The following SRPK2 variants were observed in gnomAD, a reference collection of about 807,000 sequenced individuals.
SRPK2 encodes SFRS protein kinase 2.
SRPK2 carries 21 observed loss-of-function variants against 90.8 expected under a neutral mutation model. The observed-to-expected ratio is 0.23, with a 90% CI of 0.16 to 0.33. The LOEUF (loss-of-function observed/expected upper bound fraction) is 0.33, where lower values mean the gene tolerates loss of function less well. Ranked by LOEUF, SRPK2 falls within the 10% of genes least tolerant of loss-of-function variation. SRPK2 has a pLI of 1.00. For missense variants in SRPK2, 620 were observed against 869.0 expected, an observed-to-expected ratio of 0.71 and a Z score of 3.60; for synonymous variants, 288 against 311.1, an observed-to-expected ratio of 0.93 and a Z score of 0.78.
At chr7:105,269,249 G>A (rs1042688048) in intron 2 of SRPK2, among the ~76,000 whole-genome samples, 2 of 151,782 alleles carry the variant, frequency 1.3e-5, no homozygotes, top group Non-Finnish European at 2.9e-5. Context: ...GGGTAATCAC[G>A]TCACAGGCTG....
chr7:105,126,906 A>G (rs1258491644), intron 14 of SRPK2, 87 bp downstream of exon 14: 45 of 1,326,620 alleles, frequency 3.4e-5, no homozygotes, highest in Non-Finnish European at 4.6e-5. Context: ...ACATGGCTCT[A>G]TTTCAGTACA....
intron 2 of SRPK2, among the ~76,000 whole-genome samples, chr7:105,326,688 C>T (rs545590916): frequency 1.4e-4 from 21 of 152,166 alleles, no homozygotes; most frequent in Non-Finnish European, 2.8e-4. Context: ...ATTTTCAACC[C>T]GGCCTACAAA....
At chr7:105,385,631 G>A (rs954621257) in intron 2 of SRPK2, among the ~76,000 whole-genome samples, 3 of 152,074 alleles carry the variant, frequency 2.0e-5, no homozygotes, top group Non-Finnish European at 4.4e-5. Flanking sequence ...AATACTTCCA[G>A]CCCATTCCTC....
intron 1 of SRPK2, among the ~76,000 whole-genome samples, chr7:105,395,958 CG>C (rs1263771060): frequency 6.6e-6 from 1 of 151,924 alleles, no homozygotes; most frequent in African/African-American, 2.4e-5. Context: ...TCTTGTTGCT[CG>C]GGCTGGAGTG....
intron 3 of SRPK2, among the ~76,000 whole-genome samples, chr7:105,184,716 T>C (rs1793350064): frequency 6.6e-6 from 1 of 152,212 alleles, no homozygotes; most frequent in African/African-American, 2.4e-5. Context: ...AATATTTGAC[T>C]GACATTTTCT....
chr7:105,337,921 G>A (rs1815296331), intron 2 of SRPK2, among the ~76,000 whole-genome samples: 2 of 151,976 alleles, frequency 1.3e-5, no homozygotes, highest in African/African-American at 2.4e-5. Flanking sequence ...TATGCCAACT[G>A]CTTTTAAATA....
At chr7:105,374,859 G>A (rs570405453) in intron 2 of SRPK2, among the ~76,000 whole-genome samples, 6 of 152,130 alleles carry the variant, frequency 3.9e-5, no homozygotes, top group Non-Finnish European at 7.4e-5. Flanking sequence ...CACCCGCCTC[G>A]GCCTCCCAAA....
At chr7:105,191,883 T>C (rs1286142759) in intron 3 of SRPK2, among the ~76,000 whole-genome samples, 2 of 134,620 alleles carry the variant, frequency 1.5e-5, no homozygotes, top group Admixed American at 7.2e-5. Context: ...CAAAAAAAAC[T>C]TTTTTTTTTT....
chr7:105,336,649 G>GA (rs1180767947), intron 2 of SRPK2, among the ~76,000 whole-genome samples: 2 of 152,100 alleles, frequency 1.3e-5, no homozygotes, highest in Non-Finnish European at 2.9e-5. Context: ...ACACATTGAG[G>GA]AAAGAGTCTG....
intron 2 of SRPK2, among the ~76,000 whole-genome samples, chr7:105,341,345 G>A (rs112080813): frequency 2.0e-4 from 24 of 121,224 alleles, no homozygotes; most frequent in Non-Finnish European, 3.3e-4. Flanking sequence ...GCGAAAGGGC[G>A]AGACTCCGTC....
At chr7:105,232,192 C>A (rs571155717) in intron 2 of SRPK2, among the ~76,000 whole-genome samples, 1 of 152,128 alleles carries the variant, frequency 6.6e-6, no homozygotes, top group South Asian at 2.1e-4. Context: ...GCAGGCCGGG[C>A]GCGGTGGCTC....
intron 2 of SRPK2, among the ~76,000 whole-genome samples, chr7:105,224,348 A>G (rs1199049339): frequency 1.3e-5 from 2 of 152,092 alleles, no homozygotes; most frequent in African/African-American, 4.8e-5. Flanking sequence ...AGTGGCTCAC[A>G]CCTGTCATCC....
intron 2 of SRPK2, among the ~76,000 whole-genome samples, chr7:105,221,664 T>A (rs1347915399): frequency 6.6e-6 from 1 of 152,186 alleles, no homozygotes; most frequent in East Asian, 1.9e-4. Flanking sequence ...TATAACCCCC[T>A]GTCCACAACA....
At position 105,118,107 on chromosome 7, in the gene SRPK2, A is replaced by G. The variant is rs968356266; in HGVS notation, c.1916-85T>C. On this transcript the variant is annotated intron_variant, in intron 15 of 15. Transcript: ENST00000393651. ...GGTCCAGTCAGGTTCTTTTCAGTGA[A>G]GCGGACAACCACCTGCTCAACACTT... 32 of 1,422,804 alleles carry G rather than the reference A, an allele frequency of 2.2e-5. No individual in the cohort carries two copies. The East Asian group carries it at 7.2e-4, about 32-fold the overall frequency. The allele number at this position is 1,422,804 out of a possible 1,614,324, so 88.1% of individuals were successfully genotyped here. A position where few individuals can be genotyped will look rare whatever the true frequency, so the allele number is the denominator to read the frequency against.
chr7:105,392,587 C>T (rs1822209000), upstream of SRPK2, among the ~76,000 whole-genome samples: 1 of 151,992 alleles, frequency 6.6e-6, no homozygotes, highest in East Asian at 1.9e-4. Context: ...GATCTCAGCT[C>T]ACTGTAACCT....
At chr7:105,147,352 C>T (rs1486987534) in intron 7 of SRPK2, among the ~76,000 whole-genome samples, 1 of 152,130 alleles carries the variant, frequency 6.6e-6, no homozygotes, top group Non-Finnish European at 1.5e-5. Flanking sequence ...GAGTCTCGCT[C>T]TGTCACCCAG....
intron 2 of SRPK2, among the ~76,000 whole-genome samples, chr7:105,293,587 T>C (rs1236603753): frequency 6.6e-6 from 1 of 151,068 alleles, no homozygotes; most frequent in Non-Finnish European, 1.5e-5. Context: ...ACTCGGCTGA[T>C]TGTTGTATTT....
At chr7:105,254,285 T>C (rs908360108) in intron 2 of SRPK2, among the ~76,000 whole-genome samples, 4 of 152,238 alleles carry the variant, frequency 2.6e-5, no homozygotes, top group African/African-American at 9.6e-5. Flanking sequence ...TATTCTTCAA[T>C]GTCATCTATA....
intron 3 of SRPK2, among the ~76,000 whole-genome samples, chr7:105,187,532 G>A (rs1390285332): frequency 6.6e-6 from 1 of 152,158 alleles, no homozygotes; most frequent in African/African-American, 2.4e-5. Context: ...GTAGTTCACT[G>A]TTCCTGTCAG....
Sources: gnomAD v4.1 joint callset for allele counts (sites outside exome capture counted in the v4.1 genomes callset) on GRCh38, gnomAD v4.1.1 for gene constraint, MANE v1.5 for transcripts, NCBI Gene and HGNC (gene_info 2026-07-23, HGNC 2026-07-21) for gene names.